KIAA1217: variants seen among roughly 807,000 people sequenced by gnomAD.
KIAA1217 encodes KIAA1217, also known as sickle tail protein homolog.
In KIAA1217, 88 loss-of-function variants were observed where a neutral mutation model predicts 163.9. The ratio of observed to expected loss-of-function variants is 0.54; its 90% CI spans 0.45 to 0.64. The LOEUF is 0.64. Among genes scored for constraint, KIAA1217 ranks in the 30% least tolerant of loss-of-function variants. The probability of loss-of-function intolerance (pLI) is 0.00; values close to 1 mark genes in which losing one functional copy is unlikely to be tolerated. For missense variants in KIAA1217, 2,372 were observed against 2,475.0 expected (o/e 0.96, Z 0.88); for synonymous variants, 903 against 923.1 (o/e 0.98, Z 0.39).
At chr10:23,803,586 A>G (rs531164683) in intron 1 of KIAA1217, among the ~76,000 whole-genome samples, 72 of 152,248 alleles carry the variant, frequency 4.7e-4, no homozygotes, top group African/African-American at 1.7e-3. Context: ...CCTGCTCCCA[A>G]GGCACTCCCC....
intron 11 of KIAA1217, 116 bp downstream of exon 11, chr10:24,520,369 T>C: frequency 1.4e-6 from 2 of 1,395,644 alleles, no homozygotes; most frequent in Non-Finnish European, 2.0e-6. Flanking sequence ...CGTCTACATG[T>C]GCCAGGCATT....
intron 2 of KIAA1217, among the ~76,000 whole-genome samples, chr10:24,234,656 C>CAAAAAAAAAAA (rs71397938): frequency 1.4e-5 from 1 of 73,382 alleles, no homozygotes; most frequent in Non-Finnish European, 2.6e-5. Context: ...AAAACTGTCT[C>CAAAAAAAAAAA]AAAAAAAAAA....
chr10:24,466,755 C>T (rs371469564), intron 5 of KIAA1217: 23 of 985,244 alleles, frequency 2.3e-5, no homozygotes, highest in African/African-American at 8.7e-5. Context: ...TGCTTACTCA[C>T]GGCGTTAGTT....
chr10:24,004,199 G>C (rs534049986), intron 1 of KIAA1217, among the ~76,000 whole-genome samples: 1 of 152,068 alleles, frequency 6.6e-6, no homozygotes, highest in African/African-American at 2.4e-5. Context: ...GGCTGGTCTC[G>C]AAATCCTGAA....
intron 2 of KIAA1217, among the ~76,000 whole-genome samples, chr10:24,256,293 AGAGAT>A: frequency 6.6e-6 from 1 of 152,328 alleles, no homozygotes; most frequent in South Asian, 2.1e-4. Flanking sequence ...TGGAGGCAGC[AGAGAT>A]CTCAGTTCTT....
At chr10:24,444,616 G>A (rs544001748) in intron 5 of KIAA1217, among the ~76,000 whole-genome samples, 8 of 152,248 alleles carry the variant, frequency 5.3e-5, no homozygotes, top group African/African-American at 1.9e-4. Context: ...AACAGGATGC[G>A]CTGAGTGTCC....
Position 23,899,178 on chromosome 10 carries a change from G to C in KIAA1217, c.-320-108047G>C, listed in dbSNP as rs570704020. ...TCATATTGTGTGCACCTGTGCAAGA[G>C]TTTTTCTAAAGCATAAACCTAGAAA... On this transcript the variant is annotated intron_variant, in intron 1 of 18. Transcript: ENST00000376462. Among the ~76,000 whole-genome samples the C allele has an allele frequency of 7.8e-4, 118 of 152,228 alleles. No homozygotes were observed. In the South Asian group the frequency reaches 0.014, roughly 18 times the overall value.
At chr10:23,738,120 A>G (rs1284599228) in intron 1 of KIAA1217, among the ~76,000 whole-genome samples, 1 of 152,182 alleles carries the variant, frequency 6.6e-6, no homozygotes, top group Non-Finnish European at 1.5e-5. Flanking sequence ...GGAGATATGG[A>G]AAAGAAAAGT....
At chr10:24,472,331 C>T (rs569404302) in intron 5 of KIAA1217, among the ~76,000 whole-genome samples, 59 of 152,300 alleles carry the variant, frequency 3.9e-4, no homozygotes, top group African/African-American at 1.3e-3. Context: ...TCCTTCCAGC[C>T]TCTCCATGCT....
intron 3 of KIAA1217, among the ~76,000 whole-genome samples, chr10:24,424,326 G>A (rs904303068): frequency 2.0e-5 from 3 of 150,866 alleles, no homozygotes; most frequent in African/African-American, 7.2e-5. Flanking sequence ...ATGTCAGCTG[G>A]TGTTAGGTAA....
chr10:23,977,371 C>T lies in KIAA1217; in HGVS notation c.-320-29854C>T, dbSNP rs116270797. 2.4e-3 allele frequency among the ~76,000 whole-genome samples: 371 copies of T among 152,242 alleles called. 1 individual carries two copies. Among genetic ancestry groups the T allele is most frequent in the African/African-American group, 8.8e-3 (364 of 41,558 alleles). ...CAAATATCATTACCTTCATGTTATA[C>T]ATGAAGAAACTAAACTTCAGAGAGG... On this transcript the variant is annotated intron_variant, in intron 1 of 18. Transcript: ENST00000376462.
intron 1 of KIAA1217, among the ~76,000 whole-genome samples, chr10:23,760,179 A>T (rs1834179708): frequency 6.6e-6 from 1 of 152,214 alleles, no homozygotes; most frequent in Non-Finnish European, 1.5e-5. Context: ...CTGAAAGTGC[A>T]TTGCACTTGC....
intron 1 of KIAA1217, among the ~76,000 whole-genome samples, chr10:23,873,255 C>T (rs1840543542): frequency 6.6e-6 from 1 of 151,942 alleles, no homozygotes; most frequent in South Asian, 2.1e-4. Context: ...TCTCTTAATC[C>T]CATGTTCTCA....
rs138113498 is a variant in KIAA1217, at chr10:23,952,940, G to C, written c.-320-54285G>C. Among the ~76,000 whole-genome samples the C allele has an allele frequency of 2.9e-3, 439 of 152,196 alleles. 6 individuals carry two copies. Among genetic ancestry groups the C allele is most frequent in the South Asian group, 0.021 (101 of 4,814 alleles). On this transcript the variant is annotated intron_variant, in intron 1 of 18. Coordinates refer to the KIAA1217 transcript ENST00000376462. ...TGTCAGTAACACCTCTGTAACACTT[G>C]GACTGCATTCATTCACAAAAGTGAA...
chr10:24,493,846 G>C (rs557990871), intron 6 of KIAA1217, among the ~76,000 whole-genome samples: 2 of 152,284 alleles, frequency 1.3e-5, no homozygotes, highest in Admixed American at 1.3e-4. Flanking sequence ...TGGTAGCAGA[G>C]ACAGGGTTTC....
intron 1 of KIAA1217, among the ~76,000 whole-genome samples, chr10:23,822,032 G>C (rs567884576): frequency 6.6e-6 from 1 of 152,280 alleles, no homozygotes; most frequent in African/African-American, 2.4e-5. Flanking sequence ...AGATCTCCTA[G>C]ACAATAAGTA....
At chr10:24,097,099 C>T (rs573542101) in intron 2 of KIAA1217, among the ~76,000 whole-genome samples, 2 of 152,044 alleles carry the variant, frequency 1.3e-5, no homozygotes, top group South Asian at 4.2e-4. Flanking sequence ...CAATCATGTG[C>T]AAGAAAGATT....
intron 2 of KIAA1217, among the ~76,000 whole-genome samples, chr10:24,260,888 C>T (rs2075656214): frequency 6.6e-6 from 1 of 152,106 alleles, no homozygotes. Flanking sequence ...CCTGTTCTGT[C>T]TGTGAATAGA....
intron 2 of KIAA1217, among the ~76,000 whole-genome samples, chr10:24,047,185 T>C (rs1849095184): frequency 6.6e-6 from 1 of 152,188 alleles, no homozygotes; most frequent in Non-Finnish European, 1.5e-5. Context: ...ATATGTATAC[T>C]TATCCCTGCA....
Sources: allele counts gnomAD v4.1 joint callset (sites outside exome capture counted in the v4.1 genomes callset), GRCh38; gene constraint gnomAD v4.1.1; transcripts MANE v1.5; gene names NCBI Gene and HGNC (gene_info 2026-07-23, HGNC 2026-07-21).